Variants in NUP160 observed in about 807,000 individuals in gnomAD.
NUP160 encodes the protein nuclear pore complex protein Nup160.
In NUP160, 94 loss-of-function variants were observed where a neutral mutation model predicts 196.9. That is an observed-to-expected ratio of 0.48 (90% CI 0.40 to 0.57). The LOEUF (loss-of-function observed/expected upper bound fraction) is 0.57. NUP160 is among the 20% of genes least tolerant of loss of function. NUP160 has a pLI of 0.00. For synonymous variants in NUP160, 605 were observed against 619.7 expected, an observed-to-expected ratio of 0.98 and a Z score of 0.35; for missense variants, 1,638 against 1,748.3, an observed-to-expected ratio of 0.94 and a Z score of 1.13.
chr11:47,803,178 T>TAATAATAAA (rs1057398223), intron 22 of NUP160, among the ~76,000 whole-genome samples: 1 of 148,562 alleles, frequency 6.7e-6, no homozygotes, highest in African/African-American at 2.5e-5. Flanking sequence ...ATAATAATAA[T>TAATAATAAA]AAAAGGAATC....
At chr11:47,817,383 G>T (rs1404468375) in intron 11 of NUP160, among the ~76,000 whole-genome samples, 1 of 140,892 alleles carries the variant, frequency 7.1e-6, no homozygotes, top group East Asian at 2.0e-4. Context: ...TCACTCTGCC[G>T]CCAGTTTGGA....
In NUP160 at chr11:47,839,470, T is replaced by A. The variant is rs1852251546; in HGVS notation, c.748+373A>T. 1.3e-5 allele frequency: 3 copies of A among 235,144 alleles called. No individual in the cohort carries two copies. The South Asian group carries it at 1.8e-4, about 14-fold the overall frequency. 14.6% of individuals were successfully genotyped at this position (235,144 alleles called of 1,614,324 possible). On this transcript the variant is annotated intron_variant, in intron 4 of 35. Transcript: ENST00000378460. ...AGATCTGGGGAGATATATAGAAAGC[T>A]AATACAATAATCCAGGCAAGACACA...
chr11:47,800,585 T>G (rs1000262944), intron 23 of NUP160, among the ~76,000 whole-genome samples: 3 of 151,886 alleles, frequency 2.0e-5, no homozygotes, highest in African/African-American at 7.3e-5. Flanking sequence ...TAGAGATGGG[T>G]TTCACCATGT....
At chr11:47,837,387 G>C (rs952686757) in intron 5 of NUP160, among the ~76,000 whole-genome samples, 158 bp downstream of exon 5, 2 of 152,214 alleles carry the variant, frequency 1.3e-5, no homozygotes, top group Non-Finnish European at 2.9e-5. Flanking sequence ...AGGGACTCGG[G>C]AGTGTGGCTT....
At chr11:47,793,097 C>T (rs1053415393) in intron 27 of NUP160, 151 bp from the exon 28 acceptor site, 1 of 547,526 alleles carries the variant, frequency 1.8e-6, no homozygotes. Context: ...AGCGATTCTC[C>T]TGCCTCAGCC....
intron 2 of NUP160, among the ~76,000 whole-genome samples, chr11:47,846,336 G>C (rs1258316855): frequency 6.6e-6 from 1 of 152,042 alleles, no homozygotes; most frequent in South Asian, 2.1e-4. Context: ...TTGAGCCTTA[G>C]ACCTGTAAAC....
chr11:47,812,336 T>A, exon 16 of NUP160: 1 of 1,614,172 alleles, frequency 6.2e-7, no homozygotes, highest in Non-Finnish European at 8.5e-7. Context: ...CCACTTCTGT[T>A]TCATAATCCA....
chr11:47,808,025 G>A (rs1402416830), intron 18 of NUP160, among the ~76,000 whole-genome samples: 1 of 152,192 alleles, frequency 6.6e-6, no homozygotes, highest in Non-Finnish European at 1.5e-5. Flanking sequence ...GCCCACGCCT[G>A]TAATCCCAGC....
At chr11:47,831,381 G>T (rs957237318) in intron 7 of NUP160, among the ~76,000 whole-genome samples, 6 of 152,078 alleles carry the variant, frequency 3.9e-5, no homozygotes, top group African/African-American at 1.4e-4. Context: ...GTATATAGCA[G>T]CAGTATTCAT....
intron 14 of NUP160, 123 bp from the exon 15 acceptor site, chr11:47,813,170 G>A: frequency 1.0e-6 from 1 of 963,482 alleles, no homozygotes; most frequent in South Asian, 1.6e-5. Context: ...AGATGCTTTG[G>A]TCTCTTAAGT....
chr11:47,821,379 ATAG>A (rs1851853456), intron 9 of NUP160: 2 of 113,536 alleles, frequency 1.8e-5, no homozygotes, highest in Non-Finnish European at 3.4e-5. Flanking sequence ...TTTTTTTGAG[ATAG>A]AGTCTTACTC....
chr11:47,783,853 C>T (rs2097662933), intron 33 of NUP160, among the ~76,000 whole-genome samples: 1 of 151,912 alleles, frequency 6.6e-6, no homozygotes, highest in African/African-American at 2.4e-5. Context: ...ACCATCACAT[C>T]CAGATAATTT....
chr11:47,794,019 T>G (rs1412167425), intron 27 of NUP160, among the ~76,000 whole-genome samples: 1 of 152,142 alleles, frequency 6.6e-6, no homozygotes, highest in Non-Finnish European at 1.5e-5. Flanking sequence ...TACTATATGA[T>G]TCAAGCAGCC....
intron 23 of NUP160, among the ~76,000 whole-genome samples, chr11:47,799,423 G>C (rs1174397806): frequency 6.6e-6 from 1 of 151,850 alleles, no homozygotes; most frequent in Non-Finnish European, 1.5e-5. Flanking sequence ...GTCAACGTCT[G>C]CCCGCTACCC....
At chr11:47,832,863 T>C (rs1249810799) in intron 7 of NUP160, among the ~76,000 whole-genome samples, 1 of 152,216 alleles carries the variant, frequency 6.6e-6, no homozygotes, top group Non-Finnish European at 1.5e-5. Flanking sequence ...CTTGAAAATA[T>C]TAAGCTAAGT....
chr11:47,803,736 TCCA>T (rs2097675796), intron 21 of NUP160, among the ~76,000 whole-genome samples, 200 bp from the exon 22 acceptor site: 2 of 152,156 alleles, frequency 1.3e-5, no homozygotes, highest in African/African-American at 4.8e-5. Context: ...CAAACAGGAG[TCCA>T]GTAACACACA....
At position 47,812,112 on chromosome 11, in the gene NUP160, G is replaced by A. The variant is rs148643880; in HGVS notation, c.2193C>T (p.Cys731=). The change falls in exon 17 of 36, where the codon TGC becomes TGT. Residue 731 remains cysteine, a synonymous_variant. Coordinates refer to ENST00000378460, the Ensembl canonical transcript of NUP160. ...GCTGCTGTAAGATCAAAAGATCTCT[G>A]CAGATCAGGAAACGAGTACTGGCGA... is the stretch of plus-strand genomic sequence containing the variant. The A allele has an allele frequency of 1.7e-4, 268 of 1,613,972 alleles. No homozygotes were observed. The highest frequency in any genetic ancestry group is 2.2e-4 in the Non-Finnish European group (257 of 1,180,016).
chr11:47,789,513 C>A (rs1247502490), intron 29 of NUP160, among the ~76,000 whole-genome samples: 1 of 152,038 alleles, frequency 6.6e-6, no homozygotes, highest in Non-Finnish European at 1.5e-5. Flanking sequence ...TTAAATACAA[C>A]ATTCAAGAAA....
At chr11:47,779,566 T>G in intron 35 of NUP160, 1 of 519,784 alleles carries the variant, frequency 1.9e-6, no homozygotes, top group Middle Eastern at 3.2e-4. Context: ...CAGGAGGCAC[T>G]CTATCTCACT....
Sources: allele counts gnomAD v4.1 joint callset (sites outside exome capture counted in the v4.1 genomes callset), GRCh38; gene constraint gnomAD v4.1.1; transcripts MANE v1.5; gene names NCBI Gene and HGNC (gene_info 2026-07-23, HGNC 2026-07-21).